Variants in KLHL1 observed in about 807,000 individuals in gnomAD.
The protein encoded by KLHL1 is kelch-like protein 1.
In KLHL1, 47 loss-of-function variants were observed where a neutral mutation model predicts 77.7. The ratio of observed to expected loss-of-function variants is 0.60; its 90% CI spans 0.48 to 0.77. The LOEUF (loss-of-function observed/expected upper bound fraction) is 0.77. Among genes scored for constraint, KLHL1 ranks in the 30% least tolerant of loss-of-function variants. The pLI is 0.00. For missense variants in KLHL1, 925 were observed against 910.8 expected, an observed-to-expected ratio of 1.02 and a Z score of -0.20; for synonymous variants, 360 against 325.2, an observed-to-expected ratio of 1.11 and a Z score of -1.15.
chr13:70,036,657 T>G (rs1380522423), intron 1 of KLHL1, among the ~76,000 whole-genome samples: 2 of 151,956 alleles, frequency 1.3e-5, no homozygotes, highest in Non-Finnish European at 2.9e-5. Context: ...TTGATGTATG[T>G]GTAGCAGTAG....
intron 7 of KLHL1, among the ~76,000 whole-genome samples, chr13:69,742,366 C>G (rs1874022497): frequency 6.6e-6 from 1 of 152,084 alleles, no homozygotes; most frequent in Admixed American, 6.6e-5. Flanking sequence ...AAAAAGGACA[C>G]TCAGTAACTT....
intron 1 of KLHL1, among the ~76,000 whole-genome samples, chr13:70,034,764 C>T (rs1390092646): frequency 1.3e-5 from 2 of 152,030 alleles, no homozygotes; most frequent in African/African-American, 4.8e-5. Flanking sequence ...ATACATATAT[C>T]TAGAGTTCTT....
At chr13:69,733,667 GATAA>G (rs562780807) in intron 8 of KLHL1, among the ~76,000 whole-genome samples, 112 of 152,270 alleles carry the variant, frequency 7.4e-4, no homozygotes, top group African/African-American at 2.6e-3. Context: ...AATGGATAAA[GATAA>G]ATAAAAGACA....
chr13:69,725,340 C>T (rs765698217), intron 8 of KLHL1, among the ~76,000 whole-genome samples: 4 of 152,136 alleles, frequency 2.6e-5, no homozygotes, highest in Non-Finnish European at 5.9e-5. Context: ...CCAGTTACCA[C>T]AACCATGGTT....
chr13:69,824,114 A>G (rs1448971182), intron 6 of KLHL1, among the ~76,000 whole-genome samples: 1 of 152,040 alleles, frequency 6.6e-6, no homozygotes, highest in Non-Finnish European at 1.5e-5. Flanking sequence ...AGACTACTTG[A>G]GTGTGAAACA....
intron 4 of KLHL1, among the ~76,000 whole-genome samples, chr13:69,932,363 A>G (rs1883029979): frequency 6.6e-6 from 1 of 151,798 alleles, no homozygotes; most frequent in Non-Finnish European, 1.5e-5. Context: ...ACTGTGCTTT[A>G]TAAGTTGAAA....
At chr13:69,852,180 G>A (rs946045207) in intron 5 of KLHL1, among the ~76,000 whole-genome samples, 1 of 151,878 alleles carries the variant, frequency 6.6e-6, no homozygotes, top group Admixed American at 6.6e-5. Flanking sequence ...CTAATTTAAT[G>A]GTCATCCTTA....
chr13:69,768,619 C>T (rs1875422172), intron 7 of KLHL1, among the ~76,000 whole-genome samples: 1 of 152,052 alleles, frequency 6.6e-6, no homozygotes, highest in Non-Finnish European at 1.5e-5. Flanking sequence ...TATACTGATT[C>T]TGCATTGTAT....
At chr13:69,828,587 C>T (rs1878636910) in intron 6 of KLHL1, among the ~76,000 whole-genome samples, 1 of 150,104 alleles carries the variant, frequency 6.7e-6, no homozygotes, top group Admixed American at 6.7e-5. Flanking sequence ...AACACAGAGG[C>T]TAAAGCAAGT....
chr13:69,882,316 A>G lies in KLHL1; in HGVS notation c.1194T>C (p.Leu398=). The G allele has an allele frequency of 6.2e-7, 1 of 1,613,938 alleles. No individual in the cohort carries two copies. The highest frequency in any genetic ancestry group is 2.2e-5 in the East Asian group (1 of 44,866). ...QSRCNDLSML[L]AFIRLPLLPP... ...GAAGCAGTGGCAGTCTTATAAAGGC[A>G]AGAAGCATGCTCAGGTCATTGCATC... The change falls in exon 5 of 11, where the codon CTT becomes CTC. Residue 398 remains leucine (L), a synonymous_variant. Coordinates refer to ENST00000377844, the MANE Select transcript of KLHL1 (RefSeq NM_020866.3).
intron 7 of KLHL1, among the ~76,000 whole-genome samples, chr13:69,782,435 C>T (rs535637101): frequency 6.6e-6 from 1 of 152,336 alleles, no homozygotes; most frequent in East Asian, 1.9e-4. Flanking sequence ...TGACAGACGG[C>T]ACCTGGAAAA....
chr13:69,994,630 T>A (rs1186767879), intron 1 of KLHL1, among the ~76,000 whole-genome samples: 1 of 152,022 alleles, frequency 6.6e-6, no homozygotes, highest in East Asian at 1.9e-4. Flanking sequence ...GGAGTACCTA[T>A]AGGAAAAGAT....
At chr13:69,710,866 T>C (rs1009290255) in intron 9 of KLHL1, among the ~76,000 whole-genome samples, 3 of 151,992 alleles carry the variant, frequency 2.0e-5, no homozygotes, top group Non-Finnish European at 4.4e-5. Context: ...ATTTAGGCTG[T>C]CTGCCTTTCC....
chr13:69,987,981 A>G (rs977100412), intron 1 of KLHL1, among the ~76,000 whole-genome samples: 6 of 151,874 alleles, frequency 4.0e-5, no homozygotes, highest in Non-Finnish European at 5.9e-5. Flanking sequence ...TTTTAGGTTC[A>G]GTGGTACATG....
chr13:69,934,329 T>A (rs889028689), intron 4 of KLHL1, among the ~76,000 whole-genome samples: 27 of 152,148 alleles, frequency 1.8e-4, no homozygotes, highest in African/African-American at 6.0e-4. Flanking sequence ...GATGTGAGTA[T>A]ATATCACATC....
intron 1 of KLHL1, among the ~76,000 whole-genome samples, chr13:69,981,614 G>A (rs1409081793): frequency 6.6e-6 from 1 of 151,940 alleles, no homozygotes; most frequent in African/African-American, 2.4e-5. Context: ...GATTATATTT[G>A]CATTAGAGTT....
chr13:69,851,936 T>G (rs922030594), intron 5 of KLHL1, among the ~76,000 whole-genome samples: 2 of 151,928 alleles, frequency 1.3e-5, no homozygotes, highest in African/African-American at 2.4e-5. Flanking sequence ...ATACTTGAAA[T>G]TATTACTTGA....
intron 1 of KLHL1, among the ~76,000 whole-genome samples, chr13:69,988,085 T>A (rs1298832301): frequency 6.6e-6 from 1 of 151,784 alleles, no homozygotes; most frequent in East Asian, 1.9e-4. Flanking sequence ...AAATAGCTTT[T>A]TTTTGGCGGG....
At chr13:69,939,597 C>T (rs117670285) in intron 4 of KLHL1, among the ~76,000 whole-genome samples, 1,737 of 151,804 alleles carry the variant, frequency 0.011, 22 homozygotes, top group Middle Eastern at 0.031. Flanking sequence ...GTTTAAATAA[C>T]TTTATTAATA....
Sources: gnomAD v4.1 joint callset for allele counts (sites outside exome capture counted in the v4.1 genomes callset) on GRCh38, gnomAD v4.1.1 for gene constraint, MANE v1.5 for transcripts, NCBI Gene and HGNC (gene_info 2026-07-23, HGNC 2026-07-21) for gene names.